Variants in ABCC11 observed in about 807,000 individuals in gnomAD.
ABCC11 encodes the protein ATP-binding cassette sub-family C member 11.
In ABCC11, 135 loss-of-function variants were observed where a neutral mutation model predicts 149.3. The ratio of observed to expected loss-of-function variants is 0.90; its 90% confidence interval spans 0.79 to 1.04. ABCC11 has a LOEUF of 1.04. Ranked by LOEUF, ABCC11 falls within the 50% of genes least tolerant of loss-of-function variation. ABCC11 has a pLI of 0.00. For missense variants in ABCC11, 1,680 were observed against 1,722.1 expected, an observed-to-expected ratio of 0.98 and a Z score of 0.43; for synonymous variants, 665 against 671.4, an observed-to-expected ratio of 0.99 and a Z score of 0.15.
intron 11 of ABCC11, chr16:48,210,028 C>G (rs1020669399): frequency 2.0e-5 from 3 of 151,922 alleles, no homozygotes; most frequent in Non-Finnish European, 4.4e-5. Flanking sequence ...ATGTGGAAGT[C>G]AAGCTGACAG....
At chr16:48,220,442 G>T (rs959757080) in intron 6 of ABCC11, among the ~76,000 whole-genome samples, 8 of 152,208 alleles carry the variant, frequency 5.3e-5, no homozygotes, top group Non-Finnish European at 1.0e-4. Flanking sequence ...TAAGTTAGGG[G>T]TTGTTACGAT....
intron 1 of ABCC11, chr16:48,244,346 G>T: frequency 7.0e-7 from 1 of 1,427,302 alleles, no homozygotes; most frequent in Non-Finnish European, 9.3e-7. Context: ...GCAGCTGTCT[G>T]TCTGGCTCTT....
chr16:48,238,934 T>TAAAAAAAAA (rs3048246), intron 1 of ABCC11, among the ~76,000 whole-genome samples: 4 of 40,546 alleles, frequency 9.9e-5, no homozygotes, highest in East Asian at 7.8e-4. Flanking sequence ...AGACTCTGTC[T>TAAAAAAAAA]AAAAAAAAAA....
At chr16:48,197,432 G>C (rs967842475) in intron 17 of ABCC11, among the ~76,000 whole-genome samples, 3 of 152,204 alleles carry the variant, frequency 2.0e-5, no homozygotes, top group Admixed American at 2.0e-4. Context: ...AGAATTCAGA[G>C]AGGTTAAGTT....
At chr16:48,226,358 T>C (rs938639672) in intron 4 of ABCC11, among the ~76,000 whole-genome samples, 3 of 149,656 alleles carry the variant, frequency 2.0e-5, no homozygotes, top group African/African-American at 7.4e-5. Flanking sequence ...TACTATAAGC[T>C]CTGCCTCCTG....
chr16:48,176,787 T>C (rs576712163), intron 25 of ABCC11, 137 bp downstream of exon 25: 2 of 1,067,072 alleles, frequency 1.9e-6, no homozygotes, highest in South Asian at 1.7e-5. Flanking sequence ...AGTGTTTGTC[T>C]AGCACAGGGC....
chr16:48,173,034 G>A (rs924369308), intron 26 of ABCC11, among the ~76,000 whole-genome samples: 1 of 152,178 alleles, frequency 6.6e-6, no homozygotes, highest in African/African-American at 2.4e-5. Flanking sequence ...GAAGAGGCAG[G>A]TCTTATTTGC....
intron 20 of ABCC11, among the ~76,000 whole-genome samples, chr16:48,189,643 G>A (rs1034858969): frequency 6.6e-6 from 1 of 152,088 alleles, no homozygotes; most frequent in South Asian, 2.1e-4. Context: ...AGAGGCATGG[G>A]CACTGGATAT....
Position 48,200,429 on chromosome 16 carries a change from G to A in ABCC11, c.1929C>T (p.Ser643=). The change falls in exon 15 of 30, where the codon AGC becomes AGT. Residue 643 remains serine, a synonymous_variant. Coordinates refer to ENST00000356608, the MANE Select transcript of ABCC11 (RefSeq NM_001370497.1). The stretch of plus-strand genomic sequence containing the variant: ...GGTCGGAATAGACGGCGCGGGCCAG[G>A]CTGATCCTCTGTTTCTGCCCCCCAG... The part of the protein sequence containing the change: ...NLSGGQKQRI[S]LARAVYSDRQ... The A allele has an allele frequency of 6.2e-7, 1 of 1,614,228 alleles. No individual in the cohort carries two copies. The highest frequency in any genetic ancestry group is 8.5e-7 in the Non-Finnish European group (1 of 1,180,048).
chr16:48,215,068 A>G lies in ABCC11; in HGVS notation c.1100-39T>C, dbSNP rs755525457. On this transcript the variant is annotated intron_variant, in intron 8 of 29. Transcript: ENST00000356608. ...AAGAAATACACCAAAGATAACCACA[A>G]GAACATTCTCCAAAGAGCACAGCAC... is the stretch of plus-strand genomic sequence containing the variant. 5 of 1,609,334 alleles carry G rather than the reference A, an allele frequency of 3.1e-6. No homozygotes were observed. The East Asian group carries it at 1.1e-4, about 36-fold the overall frequency.
At chr16:48,222,081 ATT>A (rs113762005) in intron 6 of ABCC11, among the ~76,000 whole-genome samples, 22 of 137,830 alleles carry the variant, frequency 1.6e-4, no homozygotes, top group South Asian at 2.4e-4. Context: ...AGCCCAGCTA[ATT>A]TTTTTTTTTT....
Position 48,175,407 on chromosome 16 carries a change from G to C in ABCC11, c.3549C>G (p.Ser1183=). 6.2e-7 allele frequency: 1 copy of C among 1,609,998 alleles called. No homozygotes were observed. The highest frequency in any genetic ancestry group is 8.5e-7 in the Non-Finnish European group (1 of 1,176,704). Reference sequence around the variant, plus strand: ...CCAGGCGGAAGAGAGCCATGCCCAAGGAGGACTTCCCTGTGGGGCAAGAAA... The same window carrying C: ...CCAGGCGGAAGAGAGCCATGCCCAACGAGGACTTCCCTGTGGGGCAAGAAA... The part of the protein sequence containing the change: ...IVGRTGSGKS[S]LGMALFRLVE... The change falls in exon 26 of 30, where the codon TCC becomes TCG. Residue 1183 remains serine (S), a synonymous_variant. Coordinates refer to ENST00000356608, the MANE Select transcript of ABCC11 (RefSeq NM_001370497.1).
rs760951061 is a variant in ABCC11 at position 48,170,156 on chromosome 16, C to A, written c.3840G>T (p.Val1280=). The A allele has an allele frequency of 2.5e-6, 4 of 1,614,130 alleles. No homozygotes were observed. Among genetic ancestry groups the A allele is most frequent in the Non-Finnish European group, 2.5e-6 (3 of 1,179,998 alleles). The part of the protein sequence containing the change: ...DVVENGGNFS[V]GERQLLCIAR... ...CAATGCAGAGCAGCTGCCTCTCCCC[C>A]ACAGAGAAGTTTCCACCGTTTTCCA... Residue 1280 remains valine, a synonymous_variant, in exon 28 of 30, where the codon GTG becomes GTT. Coordinates refer to ENST00000356608, the MANE Select transcript of ABCC11 (RefSeq NM_001370497.1).
chr16:48,205,262 G>A, intron 13 of ABCC11, 151 bp downstream of exon 13: 1 of 1,230,762 alleles, frequency 8.1e-7, no homozygotes, highest in Non-Finnish European at 1.1e-6. Flanking sequence ...TTGATATGAT[G>A]GTATTTCTTT....
intron 10 of ABCC11, among the ~76,000 whole-genome samples, chr16:48,212,296 C>T (rs1163084651): frequency 6.6e-6 from 1 of 152,140 alleles, no homozygotes; most frequent in African/African-American, 2.4e-5. Flanking sequence ...TTCCTAGGAA[C>T]CCCCAGCCCT....
At position 48,210,990 on chromosome 16, in the gene ABCC11, G is replaced by T. The variant is rs1374489029; in HGVS notation, c.1566C>A (p.Ser522Arg). 1.2e-6 allele frequency: 2 copies of T among 1,614,168 alleles called. No homozygotes were observed. Among genetic ancestry groups the T allele is most frequent in the Non-Finnish European group, 1.7e-6 (2 of 1,180,028 alleles). The change falls in exon 11 of 30, where the codon AGC (serine) becomes AGA (arginine). Residue 522 changes from serine to arginine, a missense_variant. Physicochemically the swap from Ser to Arg is moderately radical, Grantham distance 110. Coordinates refer to ENST00000356608, the MANE Select transcript of ABCC11 (RefSeq NM_001370497.1). ...TGATCTTGTGCAACTCTGGGCCCAG[G>T]CTGTTCCCTTCTTCCTCTGGCCCGA... ...DALGPEEEGN[S>R]LGPELHKINL... is the part of the protein sequence containing the mutation.
chr16:48,196,159 T>C, intron 18 of ABCC11, 73 bp downstream of exon 18: 9 of 1,483,378 alleles, frequency 6.1e-6, no homozygotes, highest in Non-Finnish European at 8.4e-6. Flanking sequence ...TGACCTCACG[T>C]GTTCCAATCT....
Position 48,184,592 on chromosome 16 carries a change from G to A in ABCC11, c.3106C>T (p.Leu1036=), listed in dbSNP as rs1966643552. Residue 1036 remains leucine (L), a synonymous_variant, in exon 23 of 30, where the codon CTG becomes TTG. Transcript: ENST00000356608. ...CGTGTGGAAGATAGAAACAACAGCA[G>A]GTAGTTATTCTGCGCATCAGTCAGC... is the stretch of plus-strand genomic sequence containing the variant. ...KRLTDAQNNY[L]LLFLSSTRWM... 1 of 1,614,218 alleles carries A rather than the reference G, an allele frequency of 6.2e-7. No homozygotes were observed. Among genetic ancestry groups the A allele is most frequent in the Non-Finnish European group, 8.5e-7 (1 of 1,180,018 alleles).
chr16:48,216,344 G>A, intron 6 of ABCC11, 57 bp from the exon 7 acceptor site: 2 of 1,561,066 alleles, frequency 1.3e-6, no homozygotes, highest in Non-Finnish European at 1.8e-6. Flanking sequence ...CACAGAAGGG[G>A]TGGCAGGTGG....
Sources: allele counts gnomAD v4.1 joint callset (sites outside exome capture counted in the v4.1 genomes callset), GRCh38; gene constraint gnomAD v4.1.1; transcripts MANE v1.5; gene names NCBI Gene and HGNC (gene_info 2026-07-23, HGNC 2026-07-21).